The following POLE variants were observed in gnomAD, a reference collection of about 807,000 sequenced individuals.
POLE encodes DNA polymerase epsilon, catalytic subunit.
Under a neutral mutation model 279.2 loss-of-function variants are expected in POLE, and 188 were observed. That is an observed-to-expected ratio of 0.67 (90% CI 0.60 to 0.76). The LOEUF is 0.76. Ranked by LOEUF, POLE falls within the 30% of genes least tolerant of loss-of-function variation. The probability of loss-of-function intolerance (pLI) is 0.00; values close to 1 mark genes in which losing one functional copy is unlikely to be tolerated. For synonymous variants in POLE, 1,214 were observed against 1,172.5 expected (o/e 1.04, Z -0.72); for missense variants, 2,703 against 3,016.7 (o/e 0.90, Z 2.44).
chr12:132,645,800 CCACACA>C (rs10553413), intron 32 of POLE, among the ~76,000 whole-genome samples: 2,052 of 149,876 alleles, frequency 0.014, 23 homozygotes, highest in Non-Finnish European at 0.021. Context: ...ACACACACAC[CCACACA>C]CACACACACA....
At chr12:132,635,413 A>T (rs147121174) in intron 42 of POLE, among the ~76,000 whole-genome samples, 48 of 152,320 alleles carry the variant, frequency 3.2e-4, no homozygotes, top group African/African-American at 1.1e-3. Flanking sequence ...ATGGTGGGTT[A>T]TCCACATGGG....
At chr12:132,646,017 G>A (rs1332498062) in intron 32 of POLE, among the ~76,000 whole-genome samples, 2 of 152,128 alleles carry the variant, frequency 1.3e-5, no homozygotes, top group African/African-American at 2.4e-5. Context: ...CTAATTCCAC[G>A]TCTGGAAGTT....
At chr12:132,637,270 G>A (rs1413303520) in intron 41 of POLE, among the ~76,000 whole-genome samples, 1 of 152,186 alleles carries the variant, frequency 6.6e-6, no homozygotes, top group African/African-American at 2.4e-5. Context: ...TTTAGTGTCA[G>A]CCTTTTCTGC....
Position 132,664,585 on chromosome 12 carries a change from G to A in POLE, c.2469-123C>T. ...ACAGGGACAAGGGAAGCAGCCAAAT[G>A]TGCGTGCACCAGGACAGAACTAAGG... On this transcript the variant is annotated intron_variant, in intron 21 of 48. Transcript: ENST00000320574. This position sits in a 1 kb window ranked among gnomAD's most constrained non-coding sequence, Gnocchi z 5.3. The A allele has an allele frequency of 1.4e-6, 1 of 733,918 alleles. No homozygotes were observed. The allele number at this position is 733,918 out of a possible 1,614,324, so 45.5% of individuals were successfully genotyped here. A position where few individuals can be genotyped will look rare whatever the true frequency, so the allele number is the denominator to read the frequency against.
At chr12:132,638,979 G>A (rs2042086974) in intron 40 of POLE, 146 bp downstream of exon 40, 1 of 709,018 alleles carries the variant, frequency 1.4e-6, no homozygotes, top group South Asian at 1.8e-5. Context: ...TGTTTCTCTG[G>A]GATCCTTTGG....
At position 132,664,817 on chromosome 12, in the gene POLE, G is replaced by A. The variant is rs563952357; in HGVS notation, c.2469-355C>T. On this transcript the variant is annotated intron_variant, in intron 21 of 48. Coordinates refer to ENST00000320574, the MANE Select transcript of POLE (RefSeq NM_006231.4). This position sits in a 1 kb window ranked among gnomAD's most constrained non-coding sequence, Gnocchi z 5.3. ...CCATTCTCACCTCCAGCTTCTCAGA[G>A]AAAGCCCAGGCCTAGCTGCCAGGCC... Among the ~76,000 whole-genome samples the A allele has an allele frequency of 6.6e-5, 10 of 152,064 alleles. 1 individual carries two copies. In the South Asian group the frequency reaches 1.7e-3, roughly 25 times the overall value.
rs1481858602 is a variant in POLE at position 132,668,849 on chromosome 12, C to T, written c.1885G>A (p.Ala629Thr). 6 of 1,613,928 alleles carry T rather than the reference C, an allele frequency of 3.7e-6. No homozygotes were observed. Among genetic ancestry groups the T allele is most frequent in the Non-Finnish European group, 4.2e-6 (5 of 1,179,852 alleles). Residue 629 changes from alanine (A) to threonine (T), a missense_variant, in exon 17 of 49, where the codon GCC becomes ACC. Ala to Thr is a moderately conservative substitution (Grantham distance 58). Coordinates refer to ENST00000320574, the MANE Select transcript of POLE (RefSeq NM_006231.4). The surrounding 1 kb of genome is among the most constrained non-coding windows in gnomAD (Gnocchi z 4.0). ...GTCAGGATGATGTTGGGGTACATGG[C>T]CCCCACGTCCAGGTGGTAGATGAGT... ...CPLIYHLDVG[A>T]MYPNIILTNR... is the part of the protein sequence containing the mutation.
rs2138514636 is a variant in POLE, at chr12:132,639,903, T to C, written c.5379-605A>G. ...TGGAGGTTGCAGTGACCCAAGATGG[T>C]GCCACTGCATTCCAGCCTGGGTGAC... On this transcript the variant is annotated intron_variant, in intron 39 of 48. Transcript: ENST00000320574. This position sits in a 1 kb window ranked among gnomAD's most constrained non-coding sequence, Gnocchi z 4.7. Among the ~76,000 whole-genome samples the C allele has an allele frequency of 6.6e-6, 1 of 152,166 alleles. No homozygotes were observed. Among genetic ancestry groups the C allele is most frequent in the East Asian group, 1.9e-4 (1 of 5,182 alleles).
chr12:132,625,900 A>T, intron 46 of POLE, 130 bp from the exon 47 acceptor site: 1 of 1,307,666 alleles, frequency 7.6e-7, no homozygotes, highest in African/African-American at 1.5e-5. Flanking sequence ...GTGCAGCTGC[A>T]CGCACTCTGG....
intron 45 of POLE, among the ~76,000 whole-genome samples, chr12:132,630,055 C>T (rs1335001465): frequency 6.6e-6 from 1 of 152,184 alleles, no homozygotes; most frequent in Admixed American, 6.5e-5. Context: ...TCAGGACACA[C>T]ACAACATTGA....
chr12:132,643,852 G>A lies in POLE; in HGVS notation c.4275C>T (p.Gly1425=), dbSNP rs762540089. The change falls in exon 33 of 49, where the codon GGC becomes GGT. Residue 1425 remains glycine (G), a synonymous_variant. Transcript: ENST00000320574. ...NAELSAPDIE[G]VYETQVPLLF... ...GGGGAGTCACCTGAGTCTCATATACGCCCTCGATGTCTGGCGCTGACAGCT... is the reference window on the plus strand; with the variant it reads ...GGGGAGTCACCTGAGTCTCATATACACCCTCGATGTCTGGCGCTGACAGCT... The A allele has an allele frequency of 1.9e-6, 3 of 1,614,022 alleles. No homozygotes were observed. Among genetic ancestry groups the A allele is most frequent in the Non-Finnish European group, 2.5e-6 (3 of 1,179,922 alleles).
rs1195760198 is a variant in POLE, at chr12:132,675,880, T to C, written c.1021-60A>G. 1.4e-6 allele frequency: 2 copies of C among 1,393,016 alleles called. No homozygotes were observed. The highest frequency in any genetic ancestry group is 1.7e-5 in the Admixed American group (1 of 59,374). The allele number at this position is 1,393,016 out of a possible 1,614,324, so 86.3% of individuals were successfully genotyped here. ...TTTCTCTTCTTCAAGCTATTCCAAA[T>C]TCCTCTCCCAAAGTTCAGAAGCAGC... On this transcript the variant is annotated intron_variant, in intron 10 of 48. Transcript: ENST00000320574. This position sits in a 1 kb window ranked among gnomAD's most constrained non-coding sequence, Gnocchi z 4.3.
Position 132,665,387 on chromosome 12 carries a change from T to C in POLE, c.2383A>G (p.Lys795Glu). The change falls in exon 21 of 49, where the codon AAG (lysine) becomes GAG (glutamate). Residue 795 changes from lysine to glutamate, a missense_variant. This residue lies in a region of POLE where 1,011 missense variants were observed against 1,111.7 expected (regional missense o/e 0.91). Coordinates refer to ENST00000320574, the MANE Select transcript of POLE (RefSeq NM_006231.4). ...GAGTCATACAGCACCTCCATGTTCTTGCAGCGCTTCACCTCAGCCGCGTCG... is the reference window on the plus strand; with the variant it reads ...GAGTCATACAGCACCTCCATGTTCTCGCAGCGCTTCACCTCAGCCGCGTCG... ...VGDAAEVKRC[K>E]NMEVLYDSLQ... 6.2e-7 allele frequency: 1 copy of C among 1,613,908 alleles called. No homozygotes were observed. Among genetic ancestry groups the C allele is most frequent in the Non-Finnish European group, 8.5e-7 (1 of 1,180,032 alleles).
chr12:132,667,221 T>C (rs1301882982), intron 20 of POLE, among the ~76,000 whole-genome samples: 1 of 152,112 alleles, frequency 6.6e-6, no homozygotes, highest in African/African-American at 2.4e-5. Context: ...TAAAACTTGA[T>C]GTACTCAAAC....
Position 132,661,968 on chromosome 12 carries a change from T to C in POLE, c.2707-284A>G, listed in dbSNP as rs2042692329. 6.6e-6 allele frequency among the ~76,000 whole-genome samples: 1 copy of C among 152,198 alleles called. No homozygotes were observed. The highest frequency in any genetic ancestry group is 1.5e-5 in the Non-Finnish European group (1 of 68,034). ...GCAAAATTATAGTACAAAAAACACA[T>C]TGTGGGTTGCCAGGGTTTCGGGGTA... On this transcript the variant is annotated intron_variant, in intron 23 of 48. Transcript: ENST00000320574. The surrounding 1 kb of genome is among the most constrained non-coding windows in gnomAD (Gnocchi z 4.1).
chr12:132,643,579 C>G lies in POLE; in HGVS notation c.4291-19G>C, dbSNP rs937458119. 4 of 1,613,822 alleles carry G rather than the reference C, an allele frequency of 2.5e-6. No homozygotes were observed. Among genetic ancestry groups the G allele is most frequent in the Non-Finnish European group, 3.4e-6 (4 of 1,179,962 alleles). On this transcript the variant is annotated intron_variant, in intron 33 of 48. Coordinates refer to ENST00000320574, the MANE Select transcript of POLE (RefSeq NM_006231.4). Reference sequence around the variant, plus strand: ...ACGGAACCTGGAAGAATCGGGCAGACAGGCCGGCAAGGGCTGGATGGTGGG... The same window carrying G: ...ACGGAACCTGGAAGAATCGGGCAGAGAGGCCGGCAAGGGCTGGATGGTGGG...
At chr12:132,665,650 C>A (rs1461683200) in intron 20 of POLE, among the ~76,000 whole-genome samples, 200 bp from the exon 21 acceptor site, 1 of 152,176 alleles carries the variant, frequency 6.6e-6, no homozygotes, top group Non-Finnish European at 1.5e-5. Flanking sequence ...TTCTGTCTCT[C>A]TGTGTTGACA....
At chr12:132,635,639 CCT>C (rs1283302557) in intron 42 of POLE, among the ~76,000 whole-genome samples, 6 of 152,242 alleles carry the variant, frequency 3.9e-5, no homozygotes, top group Non-Finnish European at 7.3e-5. Flanking sequence ...TCTCGGATTC[CCT>C]GTCACCACCT....
chr12:132,670,674 T>G (rs1476042232), intron 16 of POLE, among the ~76,000 whole-genome samples: 1 of 151,938 alleles, frequency 6.6e-6, no homozygotes, highest in African/African-American at 2.4e-5. Flanking sequence ...TATATTTTTT[T>G]AGTAGAGACG....
Sources: allele counts gnomAD v4.1 joint callset (sites outside exome capture counted in the v4.1 genomes callset), GRCh38; gene constraint gnomAD v4.1.1; regional missense constraint gnomAD v4.1.1; non-coding constraint Gnocchi (gnomAD v3.1); transcripts MANE v1.5; gene names NCBI Gene and HGNC (gene_info 2026-07-23, HGNC 2026-07-21).